UNC13C: variants seen among roughly 807,000 people sequenced by gnomAD.
The protein encoded by UNC13C is unc-13 homolog C, also known as protein unc-13 homolog C.
Under a neutral mutation model 245.4 loss-of-function variants are expected in UNC13C, and 174 were observed. That is an observed-to-expected ratio of 0.71 (90% CI 0.63 to 0.80). The LOEUF (loss-of-function observed/expected upper bound fraction) is 0.80, where lower values mean the gene tolerates loss of function less well. Among genes scored for constraint, UNC13C ranks in the 30% least tolerant of loss-of-function variants. UNC13C has a pLI of 0.00. For synonymous variants in UNC13C, 992 were observed against 895.1 expected (o/e 1.11, Z -1.93); for missense variants, 2,829 against 2,602.9 (o/e 1.09, Z -1.89).
chr15:53,912,351 C>G, the UNC13C span: 599 of 152,508 alleles, frequency 3.9e-3, no homozygotes, highest in Non-Finnish European at 7.1e-3. Flanking sequence ...AACTGGACAA[C>G]TGGAGGCTAT....
At chr15:53,886,499 T>C in the UNC13C span, among the ~76,000 whole-genome samples, 1 of 152,138 alleles carries the variant, frequency 6.6e-6, no homozygotes, top group Non-Finnish European at 1.5e-5. Flanking sequence ...CATGAGACCA[T>C]ACTTCTATAA....
chr15:54,252,221 T>C lies in UNC13C; in HGVS notation c.3448+1777T>C, dbSNP rs571206125. ...TCCTTAGAGAAAAAAATGATGCCAC[T>C]CATACCTACGAAATGAATTCTTCTT... On this transcript the variant is annotated intron_variant, in intron 8 of 32. Coordinates refer to ENST00000260323, the MANE Select transcript of UNC13C (RefSeq NM_001080534.3). 5.9e-5 allele frequency among the ~76,000 whole-genome samples: 9 copies of C among 152,074 alleles called. No homozygotes were observed. In the East Asian group the frequency reaches 1.7e-3, roughly 29 times the overall value.
intron 19 of UNC13C, 104 bp downstream of exon 19, chr15:54,415,171 T>C: frequency 7.4e-6 from 6 of 808,292 alleles, no homozygotes; most frequent in African/African-American, 1.7e-5. Flanking sequence ...AAACACTGAT[T>C]ACTGTGATCA....
chr15:54,328,612 G>T (rs1228600370), intron 14 of UNC13C, among the ~76,000 whole-genome samples: 5 of 152,008 alleles, frequency 3.3e-5, no homozygotes, highest in Admixed American at 2.6e-4. Flanking sequence ...GAGAGATGCT[G>T]AGGATGATGC....
intron 2 of UNC13C, among the ~76,000 whole-genome samples, chr15:54,124,515 A>G (rs1171054549): frequency 2.0e-5 from 3 of 152,146 alleles, no homozygotes; most frequent in Admixed American, 6.5e-5. Flanking sequence ...AGAATTCTTT[A>G]CATATTACAG....
chr15:54,026,339 G>A (rs1449961585), intron 2 of UNC13C, among the ~76,000 whole-genome samples: 1 of 152,210 alleles, frequency 6.6e-6, no homozygotes, highest in African/African-American at 2.4e-5. Flanking sequence ...TCAGGTGACA[G>A]GCCCAGGATT....
At position 53,985,349 on chromosome 15, in the gene UNC13C, C is replaced by A. The variant is rs548023578; in HGVS notation, c.-257+6422C>A. 2.1e-5 allele frequency among the ~76,000 whole-genome samples: 3 copies of A among 144,082 alleles called. No individual in the cohort carries two copies. In the East Asian group the frequency reaches 6.2e-4, roughly 30 times the overall value. 94.5% of individuals were successfully genotyped at this position (144,082 alleles called of 152,430 possible). A position where few individuals can be genotyped will look rare whatever the true frequency, so the allele number is the denominator to read the frequency against. On this transcript the variant is annotated intron_variant, in intron 1 of 32. Transcript: ENST00000260323. ...CATTTTCTTTTTTTTTTTCTTGGTT[C>A]TTTTTTTTAAATTTTATTATTATTA...
intron 4 of UNC13C, among the ~76,000 whole-genome samples, chr15:54,147,781 G>GGTGTGT (rs1372170799): frequency 1.5e-3 from 37 of 24,586 alleles, no homozygotes; most frequent in African/African-American, 3.0e-3. Context: ...AGCATTGCAA[G>GGTGTGT]GTGTGTGCGT....
chr15:54,322,200 C>T (rs568636837), intron 14 of UNC13C, 105 bp downstream of exon 14: 1 of 1,148,412 alleles, frequency 8.7e-7, no homozygotes, highest in East Asian at 2.8e-5. Context: ...GCAGAAAGGA[C>T]ATTTTAGGGA....
At chr15:54,087,231 A>C (rs867825563) in intron 2 of UNC13C, among the ~76,000 whole-genome samples, 1 of 152,162 alleles carries the variant, frequency 6.6e-6, no homozygotes, top group Non-Finnish European at 1.5e-5. Flanking sequence ...TTTTAAAAAA[A>C]ATAAATCAAA....
At chr15:54,510,637 A>G (rs1894695466) in intron 23 of UNC13C, among the ~76,000 whole-genome samples, 3 of 152,184 alleles carry the variant, frequency 2.0e-5, no homozygotes, top group Non-Finnish European at 4.4e-5. Flanking sequence ...AGTCAAGTAG[A>G]AAGTTTTTCA....
the UNC13C span, among the ~76,000 whole-genome samples, chr15:53,840,587 A>G: frequency 0.96 from 146,133 of 152,252 alleles, 70,429 homozygotes; most frequent in East Asian, 1. Flanking sequence ...GTTCAAGACC[A>G]TAGTAAGCAG....
intron 17 of UNC13C, among the ~76,000 whole-genome samples, chr15:54,341,898 C>G (rs1206898174): frequency 1.3e-5 from 2 of 151,756 alleles, no homozygotes; most frequent in African/African-American, 2.4e-5. Context: ...ATGGTGTGAA[C>G]CCGGGAGGCG....
Position 54,361,980 on chromosome 15 carries a change from G to C in UNC13C, c.4713+23491G>C, listed in dbSNP as rs1443762073. Among the ~76,000 whole-genome samples, 3 of 149,206 alleles carry C rather than the reference G, an allele frequency of 2.0e-5. No homozygotes were observed. In the Admixed American group the frequency reaches 2.0e-4, roughly 10 times the overall value. On this transcript the variant is annotated intron_variant, in intron 17 of 32. Transcript: ENST00000260323. ...CAACATTTTAGTTATTTCTAGGACA[G>C]AAGAAAGATTCACATGAACATCTGG...
chr15:54,298,485 C>T (rs2037493784), intron 12 of UNC13C, among the ~76,000 whole-genome samples: 1 of 152,136 alleles, frequency 6.6e-6, no homozygotes, highest in Admixed American at 6.5e-5. Context: ...GTACAACAAG[C>T]AGTTTCATAC....
At chr15:54,132,045 T>G (rs1183795747) in intron 2 of UNC13C, among the ~76,000 whole-genome samples, 2 of 151,508 alleles carry the variant, frequency 1.3e-5, no homozygotes, top group Admixed American at 6.6e-5. Context: ...GATACTGAAC[T>G]GTCATTGCAA....
chr15:54,532,982 A>G lies in UNC13C; in HGVS notation c.5612A>G (p.Asn1871Ser). 6.3e-7 allele frequency: 1 copy of G among 1,599,674 alleles called. No homozygotes were observed. Among genetic ancestry groups the G allele is most frequent in the Non-Finnish European group, 8.5e-7 (1 of 1,171,374 alleles). ...TTCGAACTAAATCAAATGAGAGCAAATGGAAACACCACATCTAATAAGAAC... is the reference window on the plus strand; with the variant it reads ...TTCGAACTAAATCAAATGAGAGCAAGTGGAAACACCACATCTAATAAGAAC... ...MSFELNQMRA[N>S]GNTTSNKNSA... The change falls in exon 26 of 33, where the codon AAT becomes AGT. Residue 1871 changes from asparagine to serine, a missense_variant. Asn to Ser is a conservative substitution (Grantham distance 46). Transcript: ENST00000260323.
chr15:54,030,276 G>A (rs1896301877), intron 2 of UNC13C, among the ~76,000 whole-genome samples: 1 of 151,956 alleles, frequency 6.6e-6, no homozygotes, highest in Non-Finnish European at 1.5e-5. Flanking sequence ...TGCTCCTGAG[G>A]TGACAGATCC....
intron 2 of UNC13C, among the ~76,000 whole-genome samples, chr15:54,051,659 TA>T (rs1414113094): frequency 1.7e-4 from 26 of 150,914 alleles, no homozygotes; most frequent in South Asian, 1.2e-3. Context: ...TTTATTTATT[TA>T]TTTATTTTAA....
Sources: gnomAD v4.1 joint callset for allele counts (sites outside exome capture counted in the v4.1 genomes callset) on GRCh38, gnomAD v4.1.1 for gene constraint, MANE v1.5 for transcripts, NCBI Gene and HGNC (gene_info 2026-07-23, HGNC 2026-07-21) for gene names.